Variants in JAKMIP3 observed in about 807,000 individuals in gnomAD.
The protein encoded by JAKMIP3 is janus kinase and microtubule-interacting protein 3.
Under a neutral mutation model 118.5 loss-of-function variants are expected in JAKMIP3, and 58 were observed. That is an observed-to-expected ratio of 0.49 (90% CI 0.40 to 0.61). JAKMIP3 has a LOEUF of 0.61. Among genes scored for constraint, JAKMIP3 ranks in the 20% least tolerant of loss-of-function variants. The pLI is 0.00. For synonymous variants in JAKMIP3, 486 were observed against 451.2 expected (o/e 1.08, Z -0.98); for missense variants, 950 against 1,109.0 (o/e 0.86, Z 2.04).
At chr10:132,146,442 G>A (rs1183612596) in intron 13 of JAKMIP3, among the ~76,000 whole-genome samples, 2 of 152,140 alleles carry the variant, frequency 1.3e-5, no homozygotes. Context: ...AGGTGATGTG[G>A]CATGAGGCAG....
intron 8 of JAKMIP3, among the ~76,000 whole-genome samples, chr10:132,137,736 C>G (rs1045463486): frequency 4.6e-5 from 7 of 152,214 alleles, no homozygotes; most frequent in African/African-American, 1.7e-4. Flanking sequence ...GGGCGCCAGT[C>G]CCCACACAGA....
chr10:132,096,395 A>G (rs1172438453), intron 1 of JAKMIP3, among the ~76,000 whole-genome samples: 1 of 152,190 alleles, frequency 6.6e-6, no homozygotes, highest in Non-Finnish European at 1.5e-5. Context: ...AGAGTGACTC[A>G]TACAACATGT....
chr10:132,154,956 AATG>A (rs2056855657), intron 19 of JAKMIP3, among the ~76,000 whole-genome samples: 7 of 6,552 alleles, frequency 1.1e-3, no homozygotes, highest in African/African-American at 2.7e-3. Context: ...TGATGGTGAT[AATG>A]GTTATCATGA....
rs1266014961 is a variant in JAKMIP3, at chr10:132,117,609, G to T, written c.633+35G>T. On this transcript the variant is annotated intron_variant, in intron 3 of 23. Coordinates refer to ENST00000684848, the MANE Select transcript of JAKMIP3 (RefSeq NM_001323087.2). The surrounding 1 kb of genome is among the most constrained non-coding windows in gnomAD (Gnocchi z 8.6). ...CAGGCAGGGGCGGGCGTGGGCGAGG[G>T]TGCAGGGGCGGGCGTGGGCGAGGGT... 2.6e-6 allele frequency: 2 copies of T among 779,214 alleles called. No individual in the cohort carries two copies. Among genetic ancestry groups the T allele is most frequent in the Non-Finnish European group, 3.3e-6 (2 of 610,588 alleles). The allele number at this position is 779,214 out of a possible 1,614,324, so 48.3% of individuals were successfully genotyped here.
At chr10:132,174,556 A>G (rs897509138) in intron 23 of JAKMIP3, among the ~76,000 whole-genome samples, 12 of 152,142 alleles carry the variant, frequency 7.9e-5, no homozygotes, top group African/African-American at 2.9e-4. Flanking sequence ...GTTTGGGGCA[A>G]ATGTGAACAA....
At chr10:132,078,920 C>G (rs577908636) in intron 1 of JAKMIP3, among the ~76,000 whole-genome samples, 1 of 152,210 alleles carries the variant, frequency 6.6e-6, no homozygotes, top group Admixed American at 6.5e-5. Context: ...CTGAGCTGCC[C>G]GTCACGAGCC....
chr10:132,097,946 T>C (rs1286909343), intron 1 of JAKMIP3, among the ~76,000 whole-genome samples: 5 of 24,076 alleles, frequency 2.1e-4, no homozygotes, highest in East Asian at 2.2e-3. Flanking sequence ...CCTTTCCCTT[T>C]CCCATCCCCT....
At chr10:132,110,652 C>T (rs568427360) in intron 2 of JAKMIP3, among the ~76,000 whole-genome samples, 20 of 152,306 alleles carry the variant, frequency 1.3e-4, no homozygotes, top group Non-Finnish European at 2.5e-4. Flanking sequence ...GATTTCAGTC[C>T]GATGGTTAAT....
At chr10:132,147,045 C>G (rs114149525) in intron 13 of JAKMIP3, among the ~76,000 whole-genome samples, 2,669 of 152,326 alleles carry the variant, frequency 0.018, 94 homozygotes, top group African/African-American at 0.06. Context: ...TGCTTGTGCA[C>G]GTACACACAT....
intron 1 of JAKMIP3, among the ~76,000 whole-genome samples, chr10:132,094,952 G>A (rs1385250396): frequency 1.3e-5 from 2 of 152,102 alleles, no homozygotes; most frequent in Non-Finnish European, 2.9e-5. Context: ...ATGGAGTTGT[G>A]TACCTACGAG....
In JAKMIP3 at chr10:132,140,373, G is replaced by T. The variant is rs191798603; in HGVS notation, c.1345-78G>T. The T allele has an allele frequency of 2.5e-6, 4 of 1,589,958 alleles. No homozygotes were observed. The African/African-American group carries it at 4.0e-5, about 16-fold the overall frequency. On this transcript the variant is annotated intron_variant, in intron 9 of 23. Transcript: ENST00000684848. ...GTGGGGCTGCGGCCCCCACCGTTGG[G>T]CAGCGGGAGGAGGCGGCGGGAGGAG...
chr10:132,142,830 T>C (rs987291017), intron 11 of JAKMIP3, among the ~76,000 whole-genome samples: 4 of 151,926 alleles, frequency 2.6e-5, no homozygotes, highest in Non-Finnish European at 2.9e-5. Flanking sequence ...GGTGTGGGGT[T>C]CCCGTTGGCC....
At chr10:132,051,103 A>C (rs2038089507) in intron 1 of JAKMIP3, among the ~76,000 whole-genome samples, 1 of 141,318 alleles carries the variant, frequency 7.1e-6, no homozygotes, top group Non-Finnish European at 1.5e-5. Flanking sequence ...GGTCTTGTTA[A>C]TTCCAGCCGT....
chr10:132,067,166 C>T (rs1032038927), intron 1 of JAKMIP3, among the ~76,000 whole-genome samples: 22 of 151,500 alleles, frequency 1.5e-4, no homozygotes, highest in African/African-American at 2.4e-4. Context: ...AAAAGGCTGG[C>T]GTTTGGATGA....
rs868555239 is a variant in JAKMIP3 at position 132,109,511 on chromosome 10, C to T, written c.135+4568C>T. Among the ~76,000 whole-genome samples, 5 of 152,268 alleles carry T rather than the reference C, an allele frequency of 3.3e-5. 1 individual carries two copies. Among genetic ancestry groups the T allele is most frequent in the African/African-American group, 1.2e-4 (5 of 41,536 alleles). ...GCAGAGAGGTGTGGGTCCCCCTGCG[C>T]CCGGGCGTCTTCTGTCCTGAGAACG... On this transcript the variant is annotated intron_variant, in intron 2 of 23. Coordinates refer to ENST00000684848, the MANE Select transcript of JAKMIP3 (RefSeq NM_001323087.2).
intron 19 of JAKMIP3, among the ~76,000 whole-genome samples, chr10:132,158,083 C>A (rs2057316028): frequency 1.6e-5 from 2 of 125,186 alleles, no homozygotes; most frequent in South Asian, 6.7e-4. Flanking sequence ...GCCCCCCCGC[C>A]CCGCCCCGCC....
chr10:132,071,516 T>G (rs1385378179), intron 1 of JAKMIP3, among the ~76,000 whole-genome samples: 2 of 152,208 alleles, frequency 1.3e-5, no homozygotes, highest in African/African-American at 4.8e-5. Context: ...CCTTACCAAT[T>G]TTCTCTGCAC....
At chr10:132,141,661 G>A (rs374050818) in intron 10 of JAKMIP3, among the ~76,000 whole-genome samples, 5 of 152,250 alleles carry the variant, frequency 3.3e-5, no homozygotes, top group Admixed American at 1.3e-4. Flanking sequence ...GTCCTCAGCC[G>A]TGCAGCCGAC....
intron 3 of JAKMIP3, among the ~76,000 whole-genome samples, chr10:132,132,943 C>G (rs1040880045): frequency 1.3e-5 from 2 of 152,260 alleles, no homozygotes; most frequent in Non-Finnish European, 2.9e-5. Flanking sequence ...CTCTGTCCAA[C>G]CTACAGCAGA....
Sources: allele counts gnomAD v4.1 joint callset (sites outside exome capture counted in the v4.1 genomes callset), GRCh38; gene constraint gnomAD v4.1.1; non-coding constraint Gnocchi (gnomAD v3.1); transcripts MANE v1.5; gene names NCBI Gene and HGNC (gene_info 2026-07-23, HGNC 2026-07-21).